The following PRKG1 variants were observed in gnomAD, a reference collection of about 807,000 sequenced individuals.
PRKG1 encodes the protein protein kinase cGMP-dependent 1, also known as cGMP-dependent protein kinase 1.
In PRKG1, 35 loss-of-function variants were observed where a neutral mutation model predicts 88.1. The ratio of observed to expected loss-of-function variants is 0.40; its 90% confidence interval spans 0.30 to 0.53. The LOEUF (loss-of-function observed/expected upper bound fraction) is 0.53, where lower values mean the gene tolerates loss of function less well. PRKG1 is among the 20% of genes least tolerant of loss of function. PRKG1 has a pLI of 0.59. For missense variants in PRKG1, 540 were observed against 839.8 expected, an observed-to-expected ratio of 0.64 and a Z score of 4.41; for synonymous variants, 303 against 292.5, an observed-to-expected ratio of 1.04 and a Z score of -0.37.
intron 2 of PRKG1, among the ~76,000 whole-genome samples, chr10:51,190,449 A>G (rs1458911513): frequency 6.6e-6 from 1 of 151,804 alleles, no homozygotes; most frequent in Non-Finnish European, 1.5e-5. Flanking sequence ...TACTAATGGG[A>G]GTGAGAATGC....
intron 5 of PRKG1, among the ~76,000 whole-genome samples, chr10:52,039,503 G>T (rs1344846237): frequency 1.3e-5 from 2 of 152,134 alleles, no homozygotes; most frequent in Non-Finnish European, 2.9e-5. Flanking sequence ...GGTCATCTGG[G>T]CGTACATGTG....
intron 5 of PRKG1, among the ~76,000 whole-genome samples, chr10:51,970,050 A>ACACACCCC (rs983494491): frequency 2.2e-4 from 29 of 133,544 alleles, no homozygotes; most frequent in Admixed American, 3.7e-4. Flanking sequence ...ACACACACAC[A>ACACACCCC]CCCATATTTA....
chr10:51,112,949 T>C (rs1011825219), intron 1 of PRKG1, among the ~76,000 whole-genome samples: 3 of 152,146 alleles, frequency 2.0e-5, no homozygotes, highest in African/African-American at 7.2e-5. Flanking sequence ...CAGCAGAAAT[T>C]GGAATAAAAG....
chr10:51,952,839 T>C (rs1843217141), intron 5 of PRKG1, among the ~76,000 whole-genome samples: 1 of 152,202 alleles, frequency 6.6e-6, no homozygotes, highest in Non-Finnish European at 1.5e-5. Context: ...CAAAGTCATT[T>C]CTAAAGGTCA....
intron 1 of PRKG1, among the ~76,000 whole-genome samples, chr10:51,148,665 G>T (rs540386223): frequency 2.0e-5 from 3 of 152,218 alleles, no homozygotes; most frequent in South Asian, 2.1e-4. Flanking sequence ...CTCCTAATAT[G>T]TAAGAGTTGC....
At chr10:51,823,180 G>T (rs1426350973) in intron 4 of PRKG1, among the ~76,000 whole-genome samples, 1 of 151,848 alleles carries the variant, frequency 6.6e-6, no homozygotes, top group Non-Finnish European at 1.5e-5. Context: ...AATGTATAAG[G>T]GTCCTGGGAC....
intron 5 of PRKG1, among the ~76,000 whole-genome samples, chr10:51,972,969 G>A (rs1843745055): frequency 6.6e-6 from 1 of 152,060 alleles, no homozygotes; most frequent in Non-Finnish European, 1.5e-5. Flanking sequence ...TCACTGATCT[G>A]GTCAGACTGA....
At chr10:51,408,902 G>A (rs1837999463) in intron 2 of PRKG1, among the ~76,000 whole-genome samples, 1 of 152,208 alleles carries the variant, frequency 6.6e-6, no homozygotes. Flanking sequence ...GATCTTCACA[G>A]TTTTTGACCA....
chr10:51,069,419 C>T (rs1270622225), intron 1 of PRKG1, among the ~76,000 whole-genome samples: 4 of 151,950 alleles, frequency 2.6e-5, no homozygotes, highest in Non-Finnish European at 1.5e-5. Flanking sequence ...ATAGCAGGCA[C>T]TTGAATCCCT....
At position 52,266,186 on chromosome 10, in the gene PRKG1, T is replaced by TTTATTA. The variant is rs60451262; in HGVS notation, c.1174-5143_1174-5138dup. Among the ~76,000 whole-genome samples, 983 of 149,228 alleles carry TTTATTA rather than the reference T, an allele frequency of 6.6e-3. 9 individuals are homozygous for TTTATTA. The highest frequency in any genetic ancestry group is 0.02 in the African/African-American group (800 of 40,916). On this transcript the variant is annotated intron_variant, in intron 10 of 17. Transcript: ENST00000373980. ...TTAGTTAATGAACCAATATTAATGC[T>TTTATTA]TTATTATTATTATTATTATTATTAT...
chr10:52,212,595 T>TG (rs936810398), intron 9 of PRKG1, among the ~76,000 whole-genome samples: 2 of 148,880 alleles, frequency 1.3e-5, no homozygotes, highest in African/African-American at 5.0e-5. Flanking sequence ...ATATGGCTGT[T>TG]GGGGGGAGAG....
chr10:51,373,134 T>C (rs1842737784), intron 2 of PRKG1, among the ~76,000 whole-genome samples: 1 of 152,196 alleles, frequency 6.6e-6, no homozygotes, highest in Non-Finnish European at 1.5e-5. Flanking sequence ...CAATATAGCA[T>C]AGTGGTTTAA....
At chr10:51,012,478 C>G (rs1454954563) in intron 1 of PRKG1, among the ~76,000 whole-genome samples, 1 of 152,200 alleles carries the variant, frequency 6.6e-6, no homozygotes, top group Non-Finnish European at 1.5e-5. Flanking sequence ...CCATACCAGT[C>G]TACCTCCCTT....
At chr10:51,423,209 C>T (rs1232585620) in intron 2 of PRKG1, among the ~76,000 whole-genome samples, 1 of 152,140 alleles carries the variant, frequency 6.6e-6, no homozygotes, top group Non-Finnish European at 1.5e-5. Flanking sequence ...CCAGGTTGAT[C>T]AGCATACTCG....
intron 3 of PRKG1, among the ~76,000 whole-genome samples, chr10:51,538,000 C>T (rs919216926): frequency 6.6e-6 from 1 of 152,086 alleles, no homozygotes; most frequent in African/African-American, 2.4e-5. Flanking sequence ...TCTTCATTTT[C>T]CAAATGAGAT....
chr10:52,137,618 G>C (rs1441260090), intron 8 of PRKG1, among the ~76,000 whole-genome samples: 1 of 151,940 alleles, frequency 6.6e-6, no homozygotes, highest in Non-Finnish European at 1.5e-5. Flanking sequence ...TGTCTTCCCT[G>C]TACTTTAAAA....
intron 3 of PRKG1, among the ~76,000 whole-genome samples, chr10:51,778,877 A>G (rs980808871): frequency 1.3e-5 from 2 of 152,162 alleles, no homozygotes; most frequent in East Asian, 3.9e-4. Context: ...ACATATTTTG[A>G]TTAATAAAGC....
At position 51,806,684 on chromosome 10, in the gene PRKG1, A is replaced by G. The variant is rs948102224; in HGVS notation, c.698+1994A>G. On this transcript the variant is annotated intron_variant, in intron 4 of 17. Coordinates refer to ENST00000373980, the MANE Select transcript of PRKG1 (RefSeq NM_006258.4). ...TCTTCCTAAATTACAACTGTGACCAACTGGTTCTCTCTCTATAACTTTTTC... is the reference window on the plus strand; with the variant it reads ...TCTTCCTAAATTACAACTGTGACCAGCTGGTTCTCTCTCTATAACTTTTTC... Among the ~76,000 whole-genome samples, 7 of 152,144 alleles carry G rather than the reference A, an allele frequency of 4.6e-5. No individual in the cohort carries two copies. The East Asian group carries it at 1.3e-3, about 29-fold the overall frequency.
chr10:52,054,978 T>C (rs1025815576), intron 6 of PRKG1, among the ~76,000 whole-genome samples: 24 of 151,958 alleles, frequency 1.6e-4, no homozygotes, highest in African/African-American at 5.5e-4. Context: ...ATACAAAAAA[T>C]AGAAAAAATT....
Sources: gnomAD v4.1 joint callset for allele counts (sites outside exome capture counted in the v4.1 genomes callset) on GRCh38, gnomAD v4.1.1 for gene constraint, MANE v1.5 for transcripts, NCBI Gene and HGNC (gene_info 2026-07-23, HGNC 2026-07-21) for gene names.